The following RNPEPL1 variants were observed in gnomAD, a reference collection of about 807,000 sequenced individuals.
RNPEPL1 encodes the protein arginyl aminopeptidase like 1.
A neutral mutation model predicts 69.0 loss-of-function variants in RNPEPL1; 46 were observed. The observed-to-expected ratio is 0.67, with a 90% CI of 0.53 to 0.85. The LOEUF (loss-of-function observed/expected upper bound fraction) is 0.85, where lower values mean the gene tolerates loss of function less well. Among genes scored for constraint, RNPEPL1 ranks in the 40% least tolerant of loss-of-function variants. The pLI, the probability that RNPEPL1 is intolerant of heterozygous loss-of-function variation, is 0.00. For missense variants in RNPEPL1, 869 were observed against 992.5 expected, an observed-to-expected ratio of 0.88 and a Z score of 1.67; for synonymous variants, 525 against 454.1, an observed-to-expected ratio of 1.16 and a Z score of -1.98.
intron 8 of RNPEPL1, chr2:240,575,912 G>T: frequency 2.3e-6 from 1 of 437,136 alleles, no homozygotes; most frequent in Non-Finnish European, 4.3e-6. Context: ...GGGTGACGGG[G>T]GTGTCCTGGA....
Position 240,568,968 on chromosome 2 carries a change from T to C in RNPEPL1, c.382T>C (p.Ser128Pro). 6.9e-7 allele frequency: 1 copy of C among 1,454,136 alleles called. No individual in the cohort carries two copies. The highest frequency in any genetic ancestry group is 9.0e-7 in the Non-Finnish European group (1 of 1,105,860). The allele number at this position is 1,454,136 out of a possible 1,614,324, so 90.1% of individuals were successfully genotyped here. A position where few individuals can be genotyped will look rare whatever the true frequency, so the allele number is the denominator to read the frequency against. Residue 128 changes from serine to proline, a missense_variant, in exon 1 of 11, where the codon TCC becomes CCC. This residue lies in a region of RNPEPL1 where 259 missense variants were observed against 201.5 expected (regional missense o/e 1.29). Transcript: ENST00000270357. The surrounding 1 kb of genome is among the most constrained non-coding windows in gnomAD (Gnocchi z 6.2). ...GCCCGCCTTCCCCGAGGCGCCCGGCTCCGAGCCCGCCTGCTGTCCGCTGGC... is the reference window on the plus strand; with the variant it reads ...GCCCGCCTTCCCCGAGGCGCCCGGCCCCGAGCCCGCCTGCTGTCCGCTGGC... The part of the protein sequence containing the change: ...PLPAFPEAPG[S>P]EPACCPLAFR...
In RNPEPL1 at chr2:240,568,781, G is replaced by A. The variant is rs151335116; in HGVS notation, c.195G>A (p.Leu65=). ...RELAGCLVLE[L]CALRPAPRAL... is the part of the protein sequence containing the mutation. Reference sequence around the variant, plus strand: ...TGGCCGGCTGCCTGGTGCTCGAGCTGTGCGCGCTGCGGCCCGCGCCCCGCG... The same window carrying A: ...TGGCCGGCTGCCTGGTGCTCGAGCTATGCGCGCTGCGGCCCGCGCCCCGCG... The change falls in exon 1 of 11, where the codon CTG becomes CTA. Residue 65 remains leucine (L), a synonymous_variant. Coordinates refer to ENST00000270357, the MANE Select transcript of RNPEPL1 (RefSeq NM_018226.6). This position sits in a 1 kb window ranked among gnomAD's most constrained non-coding sequence, Gnocchi z 6.2. 3.9e-3 allele frequency: 4,148 copies of A among 1,076,688 alleles called. 126 individuals are homozygous for A. The African/African-American group carries it at 0.061, about 16-fold the overall frequency. 66.7% of individuals were successfully genotyped at this position (1,076,688 alleles called of 1,614,324 possible).
At position 240,568,721 on chromosome 2, in the gene RNPEPL1, G is replaced by T; in HGVS notation, c.135G>T (p.Gln45His). 1 of 1,075,650 alleles carries T rather than the reference G, an allele frequency of 9.3e-7. No homozygotes were observed. The highest frequency in any genetic ancestry group is 7.8e-5 in the East Asian group (1 of 12,760). The allele number at this position is 1,075,650 out of a possible 1,614,324, so 66.6% of individuals were successfully genotyped here. Residue 45 changes from glutamine (Q) to histidine (H), a missense_variant, in exon 1 of 11, where the codon CAG (glutamine) becomes CAT (histidine). Gln to His is a conservative substitution (Grantham distance 24). This residue lies in a region of RNPEPL1 where 259 missense variants were observed against 201.5 expected (regional missense o/e 1.29). Transcript: ENST00000270357. The surrounding 1 kb of genome is among the most constrained non-coding windows in gnomAD (Gnocchi z 6.2). ...SAQLFRLRHL[Q>H]LGLELRPEAR... ...AGCTCTTCCGCCTCCGCCACCTGCA[G>T]CTGGGCCTGGAGCTGCGGCCCGAGG...
In RNPEPL1 at chr2:240,572,454, G is replaced by T; in HGVS notation, c.560G>T (p.Gly187Val). 1 of 1,536,210 alleles carries T rather than the reference G, an allele frequency of 6.5e-7. No individual in the cohort carries two copies. The highest frequency in any genetic ancestry group is 8.7e-7 in the Non-Finnish European group (1 of 1,146,856). Residue 187 changes from glycine to valine, a missense_variant, in exon 2 of 11, where the codon GGC becomes GTC. Gly to Val is a moderately radical substitution (Grantham distance 109, BLOSUM62 -3). Around this residue, in one of 2 missense-constraint regions of RNPEPL1, gnomAD observed 610 missense variants for 790.9 expected, o/e 0.77. Coordinates refer to ENST00000270357, the MANE Select transcript of RNPEPL1 (RefSeq NM_018226.6). ...IWWLDPELTY[G>V]CAKPFVFTQG... ...TGGCTGGACCCAGAGCTGACCTATG[G>T]CTGCGCCAAGCCCTTCGTCTTCACC...
Position 240,577,870 on chromosome 2 carries a change from G to A in RNPEPL1, c.2156G>A (p.Arg719Lys). The change falls in exon 11 of 11, where the codon AGG (arginine) becomes AAG (lysine). Residue 719 changes from arginine (R) to lysine (K), a missense_variant. Coordinates refer to ENST00000270357, the MANE Select transcript of RNPEPL1 (RefSeq NM_018226.6). ...GCCCCCAGCAGTGCCATCTCTCTCA[G>A]GGACGTCAATGTGTCTGCCTAGCCC... ...DEAPSSAISL[R>K]DVNVSA 6.4e-7 allele frequency: 1 copy of A among 1,553,506 alleles called. No individual in the cohort carries two copies. Among genetic ancestry groups the A allele is most frequent in the Non-Finnish European group, 8.7e-7 (1 of 1,144,184 alleles).
In RNPEPL1 at chr2:240,578,907, C is replaced by A. The variant is rs867567766; in HGVS notation, c.*1015C>A. ...AATCCTGCCCAGCCCCTTGGCTGGA[C>A]CCCCTGGGCCTGAGTAGCCTCTGGA... On this transcript the variant is annotated 3_prime_UTR_variant, in exon 11 of 11. Transcript: ENST00000270357. 3 of 152,300 alleles carry A rather than the reference C, an allele frequency of 2.0e-5. No homozygotes were observed. Among genetic ancestry groups the A allele is most frequent in the Admixed American group, 1.3e-4 (2 of 15,286 alleles). 9.4% of individuals were successfully genotyped at this position (152,300 alleles called of 1,614,324 possible).
In RNPEPL1 at chr2:240,575,525, C is replaced by T; in HGVS notation, c.1425C>T (p.Phe475=). The T allele has an allele frequency of 6.2e-7, 1 of 1,613,514 alleles. No homozygotes were observed. Residue 475 remains phenylalanine, a synonymous_variant, in exon 8 of 11, where the codon TTC becomes TTT. Coordinates refer to ENST00000270357, the MANE Select transcript of RNPEPL1 (RefSeq NM_018226.6). ...FLRAYVEKYK[F]TSVVAQDLLD... ...AGGCCTATGTGGAGAAGTACAAGTTCACCAGCGTGGTGGCCCAGGACCTGC... is the reference window on the plus strand; with the variant it reads ...AGGCCTATGTGGAGAAGTACAAGTTTACCAGCGTGGTGGCCCAGGACCTGC...
chr2:240,570,404 C>G (rs967120378), intron 1 of RNPEPL1, among the ~76,000 whole-genome samples: 1 of 152,210 alleles, frequency 6.6e-6, no homozygotes, highest in African/African-American at 2.4e-5. Context: ...GGGGGCCTAG[C>G]GTCACCTGGC....
intron 1 of RNPEPL1, among the ~76,000 whole-genome samples, chr2:240,570,356 C>A (rs573980589): frequency 6.6e-6 from 1 of 152,202 alleles, no homozygotes; most frequent in Non-Finnish European, 1.5e-5. Flanking sequence ...CATAGTCCCC[C>A]AAGTCTGCGT....
rs1341588555 is a variant in RNPEPL1, at chr2:240,575,068, GA to G, written c.1328del (p.Glu443GlyfsTer46). On this transcript the variant is annotated frameshift_variant, in exon 7 of 11. Coordinates refer to ENST00000270357, the MANE Select transcript of RNPEPL1 (RefSeq NM_018226.6). LOFTEE classifies it high-confidence loss of function. ...PSHLMNLFTY[E>X]KGYCFVYYLS... is the part of the protein sequence containing the mutation. The stretch of plus-strand genomic sequence containing the variant: ...CCACCTGATGAACCTGTTCACCTAC[GA>G]GAAGGGCTACTGCTTCGTGTACTAC... 1 of 1,613,830 alleles carries G rather than the reference GA, an allele frequency of 6.2e-7. No homozygotes were observed. The highest frequency in any genetic ancestry group is 8.5e-7 in the Non-Finnish European group (1 of 1,180,014).
chr2:240,576,037 A>G (rs1216296025), intron 8 of RNPEPL1: 1 of 258,460 alleles, frequency 3.9e-6, no homozygotes, highest in Non-Finnish European at 7.6e-6. Flanking sequence ...GGGAGAGGCC[A>G]GAATTGCTGG....
intron 1 of RNPEPL1, 140 bp from the exon 2 acceptor site, chr2:240,572,283 A>T: frequency 1.0e-6 from 1 of 970,816 alleles, no homozygotes; most frequent in Non-Finnish European, 1.5e-6. Context: ...AGGGGTGGCT[A>T]TTGGCCCTCG....
chr2:240,571,433 G>A (rs747840608), intron 1 of RNPEPL1, among the ~76,000 whole-genome samples: 29 of 152,166 alleles, frequency 1.9e-4, no homozygotes, highest in East Asian at 1.9e-4. Context: ...ATCTCATTCC[G>A]GCAGAGGGGA....
intron 1 of RNPEPL1, among the ~76,000 whole-genome samples, chr2:240,571,277 C>T (rs1193074360): frequency 1.3e-5 from 2 of 152,106 alleles, no homozygotes; most frequent in African/African-American, 2.4e-5. Context: ...GCCGGGACTG[C>T]GGGGGAGGCA....
chr2:240,573,321 G>GGGTCTGTGGCCTGTGTCC, intron 3 of RNPEPL1, 60 bp downstream of exon 3: 1 of 1,502,822 alleles, frequency 6.7e-7, no homozygotes, highest in Non-Finnish European at 8.9e-7. Flanking sequence ...GCCCCACCGG[G>GGGTCTGTGGCCTGTGTCC]GGTCTGTGGC....
chr2:240,573,116 T>G lies in RNPEPL1; in HGVS notation c.676T>G (p.Ser226Ala), dbSNP rs375017751. Residue 226 changes from serine to alanine, a missense_variant, in exon 3 of 11, where the codon TCG becomes GCG. This residue lies in a region of RNPEPL1 where 610 missense variants were observed against 790.9 expected (regional missense o/e 0.77). Coordinates refer to ENST00000270357, the MANE Select transcript of RNPEPL1 (RefSeq NM_018226.6). Reference protein sequence around the residue: ...CTYSAVVKAPSGVQVLMSATR... With the variant: ...CTYSAVVKAPAGVQVLMSATR... ...CAGTCCGGCCTCCTTACAGGCGCCATCGGGGGTGCAGGTGCTGATGAGTGC... is the reference window on the plus strand; with the variant it reads ...CAGTCCGGCCTCCTTACAGGCGCCAGCGGGGGTGCAGGTGCTGATGAGTGC... 1.2e-6 allele frequency: 2 copies of G among 1,605,532 alleles called. No individual in the cohort carries two copies. The highest frequency in any genetic ancestry group is 1.7e-6 in the Non-Finnish European group (2 of 1,176,226).
At chr2:240,577,106 G>C in intron 10 of RNPEPL1, 116 bp downstream of exon 10, 2 of 1,351,270 alleles carry the variant, frequency 1.5e-6, no homozygotes, top group Non-Finnish European at 2.1e-6. Context: ...CTGGAGAATG[G>C]GGCGGGGAAG....
Position 240,578,415 on chromosome 2 carries a change from G to A in RNPEPL1, c.*523G>A, listed in dbSNP as rs982017224. 6.6e-6 allele frequency: 1 copy of A among 152,432 alleles called. No homozygotes were observed. Among genetic ancestry groups the A allele is most frequent in the African/African-American group, 2.4e-5 (1 of 41,444 alleles). 9.4% of individuals were successfully genotyped at this position (152,432 alleles called of 1,614,324 possible). ...AAGGACACAGACATTCCCTCAGTGT[G>A]GGGGGCAGGGGACACAGGGAGAGGA... On this transcript the variant is annotated 3_prime_UTR_variant, in exon 11 of 11. Coordinates refer to ENST00000270357, the MANE Select transcript of RNPEPL1 (RefSeq NM_018226.6).
Position 240,580,293 on chromosome 2 carries a change from T to G in RNPEPL1, c.*2401T>G, listed in dbSNP as rs1369446412. The G allele has an allele frequency of 1.3e-5, 2 of 152,234 alleles. No homozygotes were observed. The highest frequency in any genetic ancestry group is 2.4e-5 in the African/African-American group (1 of 41,438). The allele number at this position is 152,234 out of a possible 1,614,324, so 9.4% of individuals were successfully genotyped here. ...AGATACGCACACTTAGCTCACGGTC[T>G]GCCTCATGAGTCATCCCAGTTGAGC... On this transcript the variant is annotated 3_prime_UTR_variant, in exon 11 of 11. Coordinates refer to ENST00000270357, the MANE Select transcript of RNPEPL1 (RefSeq NM_018226.6).
Sources: allele counts gnomAD v4.1 joint callset (sites outside exome capture counted in the v4.1 genomes callset), GRCh38; gene constraint gnomAD v4.1.1; regional missense constraint gnomAD v4.1.1; non-coding constraint Gnocchi (gnomAD v3.1); transcripts MANE v1.5; gene names NCBI Gene and HGNC (gene_info 2026-07-23, HGNC 2026-07-21).